Variants in ARSF observed in about 807,000 individuals in gnomAD.
The protein encoded by ARSF is arylsulfatase F.
ARSF carries 33 observed loss-of-function variants against 35.4 expected under a neutral mutation model. That is an observed-to-expected ratio of 0.93 (90% CI 0.71 to 1.25). ARSF has a LOEUF of 1.25. Among genes scored for constraint, ARSF ranks in the 50% most tolerant of loss-of-function variants. ARSF has a pLI of 0.00. For synonymous variants in ARSF, 222 were observed against 193.1 expected (o/e 1.15, Z -1.24); for missense variants, 501 against 480.2 (o/e 1.04, Z -0.40).
intron 1 of ARSF, among the ~76,000 whole-genome samples, chrX:3,058,016 G>A (rs1603464107): frequency 8.9e-6 from 1 of 111,756 alleles, no homozygotes; most frequent in East Asian, 2.8e-4. Flanking sequence ...GACTTACACA[G>A]CTCAGGAAAC....
At chrX:3,103,270 A>AT (rs1354243772) in intron 8 of ARSF, among the ~76,000 whole-genome samples, 1 of 111,689 alleles carries the variant, frequency 9.0e-6, no homozygotes, top group Non-Finnish European at 1.9e-5. Flanking sequence ...AATATGGCAT[A>AT]TTAGAAGGTG....
rs1316842748 is a variant in ARSF, at chrX:3,093,230, G to C, written c.967+3598G>C. Among the ~76,000 whole-genome samples the C allele has an allele frequency of 5.3e-5, 6 of 112,515 alleles. No homozygotes were observed. In the East Asian group the frequency reaches 1.4e-3, roughly 26 times the overall value. On this transcript the variant is annotated intron_variant, in intron 7 of 10. Coordinates refer to ENST00000381127, the MANE Select transcript of ARSF (RefSeq NM_001201539.2). ...CCTGAAATAATGGAGTCTACTGATA[G>C]AATAAACATTTATTTTCATTTTTTA...
intron 7 of ARSF, among the ~76,000 whole-genome samples, chrX:3,092,968 C>G (rs917494573): frequency 6.3e-5 from 7 of 111,782 alleles, no homozygotes; most frequent in Admixed American, 4.7e-4. Context: ...TTCAGGCAAT[C>G]AAAACCATCC....
At chrX:3,080,422 T>C (rs1165010735) in intron 4 of ARSF, among the ~76,000 whole-genome samples, 4 of 107,554 alleles carry the variant, frequency 3.7e-5, no homozygotes, top group Admixed American at 2.0e-4. Context: ...TGCAGTGAGC[T>C]GAGATGGCAC....
At chrX:3,045,029 G>C (rs979788385) in intron 1 of ARSF, among the ~76,000 whole-genome samples, 3 of 111,326 alleles carry the variant, frequency 2.7e-5, no homozygotes, top group Admixed American at 1.9e-4. Context: ...TGTATTTTTG[G>C]TGAGGTTTAT....
chrX:3,103,920 G>C lies in ARSF; in HGVS notation c.1261G>C (p.Asp421His). ...AGTGTCAGGAGGAAGTCTCCCTCAG[G>C]ACAGGTGATGTCATATAAACTGTTA... ...ASVSGGSLPQ[D>H]RVIDGRDLMP... The change falls in exon 9 of 11, where the codon GAC becomes CAC. Residue 421 changes from aspartate to histidine, a missense_variant. Transcript: ENST00000381127. 1 of 1,209,758 alleles carries C rather than the reference G, an allele frequency of 8.3e-7. No individual in the cohort carries two copies. The highest frequency in any genetic ancestry group is 1.1e-6 in the Non-Finnish European group (1 of 894,456).
intron 9 of ARSF, among the ~76,000 whole-genome samples, chrX:3,109,479 G>A (rs1312681933): frequency 9.0e-6 from 1 of 111,275 alleles, no homozygotes; most frequent in Non-Finnish European, 1.9e-5. Context: ...GGTCCCATGT[G>A]CAGGTTTGTT....
chrX:3,112,534 G>T lies in ARSF; in HGVS notation c.1751G>T (p.Arg584Leu). The change falls in exon 11 of 11, where the codon CGG becomes CTG. Residue 584 changes from arginine (R) to leucine (L), a missense_variant. Transcript: ENST00000381127. ...AAGGAAGAGGAAGTCTCTCAGCCTC[G>T]GGGTCCTAACGAGAAGAGATAATTA... ...CDKEEEVSQP[R>L]GPNEKR The T allele has an allele frequency of 8.5e-7, 1 of 1,173,938 alleles. No individual in the cohort carries two copies. The highest frequency in any genetic ancestry group is 1.8e-5 in the South Asian group (1 of 55,226).
chrX:3,040,464 T>G (rs1221596054), upstream of ARSF, among the ~76,000 whole-genome samples: 1 of 111,156 alleles, frequency 9.0e-6, no homozygotes, highest in African/African-American at 3.3e-5. Flanking sequence ...CTACTTTAGG[T>G]TTGGTGGTGC....
intron 4 of ARSF, among the ~76,000 whole-genome samples, chrX:3,079,714 C>G (rs370324056): frequency 1.3e-4 from 14 of 108,664 alleles, no homozygotes; most frequent in African/African-American, 4.7e-4. Flanking sequence ...AATCCCAGCA[C>G]TTTGGGAAGC....
chrX:3,070,943 G>GTA (rs1455558117), intron 2 of ARSF, among the ~76,000 whole-genome samples: 23 of 89,430 alleles, frequency 2.6e-4, no homozygotes, highest in African/African-American at 9.0e-4. Flanking sequence ...TCCATGGTGT[G>GTA]TGTGTGTGTG....
At chrX:3,092,794 A>G (rs778030801) in intron 7 of ARSF, among the ~76,000 whole-genome samples, 1 of 112,180 alleles carries the variant, frequency 8.9e-6, no homozygotes, top group South Asian at 3.7e-4. Context: ...ACAATACCCC[A>G]AGTCCTAAGA....
At chrX:3,058,835 T>C (rs1440815083) in intron 1 of ARSF, among the ~76,000 whole-genome samples, 1 of 111,231 alleles carries the variant, frequency 9.0e-6, no homozygotes. Context: ...CACTCCAACT[T>C]GGGTGACAGA....
intron 7 of ARSF, among the ~76,000 whole-genome samples, chrX:3,100,534 A>AT (rs148064880): frequency 8.9e-6 from 1 of 112,407 alleles, no homozygotes. Flanking sequence ...TTGCCATAAT[A>AT]TTTTTTTCTT....
chrX:3,079,557 T>C (rs1268415880), intron 4 of ARSF, among the ~76,000 whole-genome samples: 1 of 108,973 alleles, frequency 9.2e-6, no homozygotes, highest in Admixed American at 9.8e-5. Flanking sequence ...TTGGTCAGGC[T>C]GGTCTCGAAC....
chrX:3,095,845 A>G (rs1427651218), intron 7 of ARSF, among the ~76,000 whole-genome samples: 1 of 109,882 alleles, frequency 9.1e-6, no homozygotes, highest in Non-Finnish European at 1.9e-5. Flanking sequence ...AGCCAGGAAA[A>G]TTCTTGCATG....
intron 1 of ARSF, among the ~76,000 whole-genome samples, chrX:3,048,130 G>A (rs146777654): frequency 4.2e-4 from 47 of 111,937 alleles, no homozygotes; most frequent in African/African-American, 1.5e-3. Flanking sequence ...AATTATGGGA[G>A]ATACAATTCA....
At position 3,067,264 on chromosome X, in the gene ARSF, T is replaced by C. The variant is rs139199721; in HGVS notation, c.-28-809T>C. On this transcript the variant is annotated intron_variant, in intron 1 of 10. Coordinates refer to ENST00000381127, the MANE Select transcript of ARSF (RefSeq NM_001201539.2). ...CGTTTGTATTTTGTCCTTAGTGTTA[T>C]TTTAAGGTACAAATATGGGTAATAA... Among the ~76,000 whole-genome samples, 138 of 110,844 alleles carry C rather than the reference T, an allele frequency of 1.2e-3. 1 individual carries two copies. The highest frequency in any genetic ancestry group is 4.2e-3 in the African/African-American group (129 of 30,517).
At chrX:3,098,047 A>AACACACACACACACAC (rs3032523) in intron 7 of ARSF, among the ~76,000 whole-genome samples, 52 of 88,079 alleles carry the variant, frequency 5.9e-4, no homozygotes, top group East Asian at 7.4e-4. Flanking sequence ...ATACACACAC[A>AACACACACACACACAC]ACACACACAC....
Sources: gnomAD v4.1 joint callset for allele counts (sites outside exome capture counted in the v4.1 genomes callset) on GRCh38, gnomAD v4.1.1 for gene constraint, MANE v1.5 for transcripts, NCBI Gene and HGNC (gene_info 2026-07-23, HGNC 2026-07-21) for gene names.